Variants in ADAMTS6 observed in about 807,000 individuals in gnomAD.
ADAMTS6 encodes ADAM metallopeptidase with thrombospondin type 1 motif 6, also known as A disintegrin and metalloproteinase with thrombospondin motifs 6.
In ADAMTS6, 23 loss-of-function variants were observed where a neutral mutation model predicts 144.3. That is an observed-to-expected ratio of 0.16 (90% confidence interval 0.11 to 0.23). The LOEUF (loss-of-function observed/expected upper bound fraction) is 0.23, where lower values mean the gene tolerates loss of function less well. Among genes scored for constraint, ADAMTS6 ranks in the 10% least tolerant of loss-of-function variants. ADAMTS6 has a pLI of 1.00. For missense variants in ADAMTS6, 999 were observed against 1,379.6 expected (o/e 0.72, Z 4.37); for synonymous variants, 444 against 457.5 (o/e 0.97, Z 0.38).
intron 15 of ADAMTS6, among the ~76,000 whole-genome samples, chr5:65,239,202 C>T (rs1396006322): frequency 6.6e-6 from 1 of 150,432 alleles, no homozygotes; most frequent in African/African-American, 2.5e-5. Flanking sequence ...ACCAACATGG[C>T]ACACGTATAC....
chr5:65,307,262 T>C (rs544416974), intron 9 of ADAMTS6, among the ~76,000 whole-genome samples: 3 of 152,350 alleles, frequency 2.0e-5, no homozygotes, highest in East Asian at 1.9e-4. Flanking sequence ...TGTGTATAGC[T>C]TGACACTGAA....
chr5:65,430,658 A>T (rs758036133), intron 7 of ADAMTS6, among the ~76,000 whole-genome samples: 1 of 152,214 alleles, frequency 6.6e-6, no homozygotes, highest in Non-Finnish European at 1.5e-5. Flanking sequence ...TTTCAAAATG[A>T]ACAGACAGGC....
chr5:65,269,012 G>A (rs1042019664), intron 12 of ADAMTS6, among the ~76,000 whole-genome samples: 1 of 138,394 alleles, frequency 7.2e-6, no homozygotes, highest in Admixed American at 6.8e-5. Context: ...CTTCTGGTGA[G>A]AGTAGTTTTG....
intron 22 of ADAMTS6, among the ~76,000 whole-genome samples, chr5:65,183,886 T>C (rs1311047990): frequency 2.0e-5 from 3 of 152,140 alleles, no homozygotes; most frequent in Non-Finnish European, 2.9e-5. Flanking sequence ...TCAATAATAA[T>C]TTTTTTAGAT....
chr5:65,276,270 T>C (rs1034215776), intron 11 of ADAMTS6, among the ~76,000 whole-genome samples: 1 of 152,176 alleles, frequency 6.6e-6, no homozygotes, highest in African/African-American at 2.4e-5. Flanking sequence ...GGTGGGCTCC[T>C]GGGGATTCAA....
intron 7 of ADAMTS6, among the ~76,000 whole-genome samples, chr5:65,425,120 C>T (rs1158934989): frequency 1.3e-5 from 2 of 152,194 alleles, no homozygotes; most frequent in Non-Finnish European, 2.9e-5. Flanking sequence ...CTTCAACCTC[C>T]CAAGTAGCTG....
intron 7 of ADAMTS6, among the ~76,000 whole-genome samples, chr5:65,364,078 G>A (rs1750076401): frequency 6.6e-6 from 1 of 152,136 alleles, no homozygotes; most frequent in Non-Finnish European, 1.5e-5. Flanking sequence ...CTAGTGTCCT[G>A]AACTCCTGTC....
At chr5:65,421,319 T>G (rs1370865850) in intron 7 of ADAMTS6, among the ~76,000 whole-genome samples, 3 of 152,224 alleles carry the variant, frequency 2.0e-5, no homozygotes, top group African/African-American at 7.2e-5. Flanking sequence ...TCTCCTTCAT[T>G]TATGAAACTT....
rs568086124 is a variant in ADAMTS6 at position 65,417,941 on chromosome 5, A to G, written c.1073+33534T>C. 3.9e-5 allele frequency among the ~76,000 whole-genome samples: 6 copies of G among 152,326 alleles called. No individual in the cohort carries two copies. The East Asian group carries it at 1.2e-3, about 29-fold the overall frequency. ...AAGCAATGCTAAGCAAAAAGAACAA[A>G]GCTGGAGTCATCACATTACCTGGCT... On this transcript the variant is annotated intron_variant, in intron 7 of 24. Coordinates refer to ENST00000381055, the MANE Select transcript of ADAMTS6 (RefSeq NM_197941.4).
chr5:65,451,436 C>A (rs374250194), intron 7 of ADAMTS6, 39 bp downstream of exon 7: 2 of 1,610,902 alleles, frequency 1.2e-6, no homozygotes. Context: ...AGTGAATAAA[C>A]ACAACAATCA....
chr5:65,452,728 G>A lies in ADAMTS6; in HGVS notation c.822C>T (p.Tyr274=). Residue 274 remains tyrosine, a synonymous_variant, in exon 5 of 25, where the codon TAC becomes TAT. Transcript: ENST00000381055. ...TTACAATATTCATCACACTCAAAAT[G>A]TAATGTTCAATGTCTTTGCGGCCAT... ...GYHGRKDIEH[Y]ILSVMNIVAK... The A allele has an allele frequency of 1.2e-6, 2 of 1,614,012 alleles. No individual in the cohort carries two copies. The highest frequency in any genetic ancestry group is 1.7e-6 in the Non-Finnish European group (2 of 1,179,954).
At chr5:65,273,167 T>C (rs1762188977) in intron 12 of ADAMTS6, among the ~76,000 whole-genome samples, 173 bp downstream of exon 12, 2 of 152,214 alleles carry the variant, frequency 1.3e-5, no homozygotes, top group African/African-American at 4.8e-5. Flanking sequence ...ATTTCCTAAA[T>C]AATGCATATT....
chr5:65,223,976 A>G (rs1466524719), intron 18 of ADAMTS6, among the ~76,000 whole-genome samples: 1 of 151,502 alleles, frequency 6.6e-6, no homozygotes, highest in Non-Finnish European at 1.5e-5. Context: ...ATTTTTCTGT[A>G]TTTTTATTAG....
At chr5:65,395,956 C>T (rs879274251) in intron 7 of ADAMTS6, among the ~76,000 whole-genome samples, 1 of 152,194 alleles carries the variant, frequency 6.6e-6, no homozygotes, top group Non-Finnish European at 1.5e-5. Context: ...AACATACAAA[C>T]ATTTAACTGG....
chr5:65,184,582 T>C (rs1236452906), intron 22 of ADAMTS6, among the ~76,000 whole-genome samples: 2 of 152,212 alleles, frequency 1.3e-5, no homozygotes, highest in African/African-American at 2.4e-5. Flanking sequence ...ATAAACCATT[T>C]TGATACATCA....
chr5:65,174,657 T>TTTTGA (rs1224580235), intron 22 of ADAMTS6, among the ~76,000 whole-genome samples: 1 of 152,166 alleles, frequency 6.6e-6, no homozygotes, highest in Non-Finnish European at 1.5e-5. Context: ...TGGTTTTTGT[T>TTTTGA]TTTGACTTGA....
chr5:65,288,270 T>C (rs1049408415), intron 11 of ADAMTS6, among the ~76,000 whole-genome samples: 3 of 151,914 alleles, frequency 2.0e-5, no homozygotes, highest in Non-Finnish European at 4.4e-5. Flanking sequence ...GCAGTATAGA[T>C]CCTTCGGTAG....
chr5:65,180,559 CA>C (rs775380279), intron 22 of ADAMTS6, among the ~76,000 whole-genome samples: 50 of 152,172 alleles, frequency 3.3e-4, no homozygotes, highest in Non-Finnish European at 6.2e-4. Flanking sequence ...TTACTTCAGA[CA>C]AACATCATTT....
Position 65,369,496 on chromosome 5 carries a change from T to C in ADAMTS6, c.1074-35411A>G, listed in dbSNP as rs544871003. Among the ~76,000 whole-genome samples the C allele has an allele frequency of 1.4e-4, 21 of 151,902 alleles. No individual in the cohort carries two copies. The East Asian group carries it at 2.7e-3, about 20-fold the overall frequency. ...TGGCTGGGCATTCACATCTTTCTTA[T>C]GTTCTTAGCTAGCTAAACCATTAAT... On this transcript the variant is annotated intron_variant, in intron 7 of 24. Transcript: ENST00000381055.
Sources: gnomAD v4.1 joint callset for allele counts (sites outside exome capture counted in the v4.1 genomes callset) on GRCh38, gnomAD v4.1.1 for gene constraint, MANE v1.5 for transcripts, NCBI Gene and HGNC (gene_info 2026-07-23, HGNC 2026-07-21) for gene names.